Variants in PARD3 observed in about 807,000 individuals in gnomAD.
PARD3 encodes partitioning defective 3 homolog.
Under a neutral mutation model 155.4 loss-of-function variants are expected in PARD3, and 75 were observed. The observed-to-expected ratio is 0.48, with a 90% CI of 0.40 to 0.58. The LOEUF (loss-of-function observed/expected upper bound fraction) is 0.58, where lower values mean the gene tolerates loss of function less well. PARD3 is among the 20% of genes least tolerant of loss of function. The pLI, the probability that PARD3 is intolerant of heterozygous loss-of-function variation, is 0.00. For synonymous variants in PARD3, 576 were observed against 610.5 expected, an observed-to-expected ratio of 0.94 and a Z score of 0.83; for missense variants, 1,642 against 1,721.7, an observed-to-expected ratio of 0.95 and a Z score of 0.82.
At chr10:34,113,689 G>C (rs1479166038) in intron 24 of PARD3, among the ~76,000 whole-genome samples, 1 of 152,144 alleles carries the variant, frequency 6.6e-6, no homozygotes, top group Admixed American at 6.5e-5. Flanking sequence ...GCATCCAGCT[G>C]GGCAAGGTGG....
At chr10:34,208,384 C>A (rs1488204550) in intron 22 of PARD3, among the ~76,000 whole-genome samples, 1 of 152,148 alleles carries the variant, frequency 6.6e-6, no homozygotes, top group Non-Finnish European at 1.5e-5. Flanking sequence ...AACTAGTTAT[C>A]CAATTGTTCT....
chr10:34,261,843 A>AC lies in PARD3; in HGVS notation c.3419+7813_3419+7814insG, dbSNP rs1564528580. Among the ~76,000 whole-genome samples the AC allele has an allele frequency of 9.5e-5, 14 of 147,664 alleles. 1 individual carries two copies. The highest frequency in any genetic ancestry group is 3.6e-4 in the African/African-American group (14 of 38,626). On this transcript the variant is annotated intron_variant, in intron 22 of 24. Transcript: ENST00000374788. ...AAAGAAAGAAACAAACAAACAAACA[A>AC]ACACACACACACTGGACAGAATGCA...
intron 22 of PARD3, among the ~76,000 whole-genome samples, chr10:34,159,850 G>A (rs184291804): frequency 6.6e-5 from 10 of 152,306 alleles, no homozygotes; most frequent in Admixed American, 6.5e-4. Context: ...CAGCTACTAG[G>A]AAACAGTGCT....
At chr10:34,345,710 G>T (rs1255306987) in intron 15 of PARD3, 1 of 985,366 alleles carries the variant, frequency 1.0e-6, no homozygotes, top group Non-Finnish European at 1.2e-6. Flanking sequence ...GGTGTGATTT[G>T]TCAAGTTTCC....
At chr10:34,258,525 T>C (rs1274515122) in intron 22 of PARD3, among the ~76,000 whole-genome samples, 1 of 152,040 alleles carries the variant, frequency 6.6e-6, no homozygotes, top group Non-Finnish European at 1.5e-5. Flanking sequence ...TTTAGATCAG[T>C]TGGGATCAGG....
rs572905057 is a variant in PARD3, at chr10:34,345,441, A to C, written c.2218+2524T>G. The C allele has an allele frequency of 1.9e-5, 19 of 985,332 alleles. No homozygotes were observed. In the Admixed American group the frequency reaches 1.2e-3, roughly 61 times the overall value. The allele number at this position is 985,332 out of a possible 1,614,324, so 61.0% of individuals were successfully genotyped here. A position where few individuals can be genotyped will look rare whatever the true frequency, so the allele number is the denominator to read the frequency against. ...AGGTAATCAGCCAGAATTTCAATAC[A>C]AAGTTCCTTTTGTATCATAGCAGAT... On this transcript the variant is annotated intron_variant, in intron 15 of 24. Transcript: ENST00000374788.
chr10:34,707,646 C>T (rs1167665851), intron 1 of PARD3, among the ~76,000 whole-genome samples: 1 of 152,214 alleles, frequency 6.6e-6, no homozygotes, highest in Non-Finnish European at 1.5e-5. Flanking sequence ...TCTATCCAAA[C>T]TTCGGAAATC....
chr10:34,805,549 A>ATG (rs1843269902), intron 1 of PARD3, among the ~76,000 whole-genome samples: 1 of 146,632 alleles, frequency 6.8e-6, no homozygotes, highest in African/African-American at 2.5e-5. Flanking sequence ...GTGCATATAT[A>ATG]TATATATATA....
intron 20 of PARD3, 63 bp from the exon 21 acceptor site, chr10:34,284,308 G>T (rs1355718990): frequency 1.0e-6 from 1 of 954,294 alleles, no homozygotes; most frequent in African/African-American, 1.6e-5. Flanking sequence ...TTTGTTTGTG[G>T]TAATGACATA....
At chr10:34,429,249 T>C (rs1298305804) in intron 5 of PARD3, among the ~76,000 whole-genome samples, 1 of 152,110 alleles carries the variant, frequency 6.6e-6, no homozygotes, top group Non-Finnish European at 1.5e-5. Flanking sequence ...TGAAATGAAA[T>C]GATATTTCAT....
chr10:34,393,390 G>T (rs954955435), intron 7 of PARD3, among the ~76,000 whole-genome samples: 1 of 151,868 alleles, frequency 6.6e-6, no homozygotes, highest in Non-Finnish European at 1.5e-5. Context: ...GACGAGACTG[G>T]GCAACATTGG....
chr10:34,666,816 T>C (rs11009854), intron 2 of PARD3, among the ~76,000 whole-genome samples: 2,953 of 88,648 alleles, frequency 0.033, 130 homozygotes, highest in African/African-American at 0.079. Flanking sequence ...TATATATATA[T>C]ACACACACAC....
chr10:34,385,256 C>G (rs1191988679), intron 7 of PARD3, among the ~76,000 whole-genome samples: 1 of 152,164 alleles, frequency 6.6e-6, no homozygotes, highest in Non-Finnish European at 1.5e-5. Flanking sequence ...GCCTCAGCCT[C>G]CTGAGTAGCT....
At chr10:34,360,361 A>G (rs1839324859) in intron 12 of PARD3, 102 bp from the exon 13 acceptor site, 1 of 756,686 alleles carries the variant, frequency 1.3e-6, no homozygotes, top group Non-Finnish European at 2.2e-6. Flanking sequence ...CATAAGAGGC[A>G]AAATATTTCC....
At chr10:34,488,011 T>G (rs2079587910) in intron 3 of PARD3, among the ~76,000 whole-genome samples, 1 of 152,200 alleles carries the variant, frequency 6.6e-6, no homozygotes, top group Non-Finnish European at 1.5e-5. Context: ...ATTTCTTTAT[T>G]ATTATAACCT....
intron 2 of PARD3, among the ~76,000 whole-genome samples, chr10:34,556,582 C>A (rs1032064939): frequency 1.3e-5 from 2 of 151,940 alleles, no homozygotes; most frequent in African/African-American, 4.8e-5. Flanking sequence ...CGGGGTTTCA[C>A]CGTGTTAGCC....
chr10:34,677,937 TAAGAA>T (rs1344220142), intron 2 of PARD3, among the ~76,000 whole-genome samples: 2 of 152,176 alleles, frequency 1.3e-5, no homozygotes, highest in African/African-American at 4.8e-5. Context: ...ATATCAACAT[TAAGAA>T]AAGGAATCTT....
chr10:34,197,849 C>T (rs996140664), intron 22 of PARD3, among the ~76,000 whole-genome samples: 4 of 152,228 alleles, frequency 2.6e-5, no homozygotes, highest in Non-Finnish European at 5.9e-5. Flanking sequence ...CCTGCCCCAG[C>T]CTCCCGAGCA....
intron 3 of PARD3, among the ~76,000 whole-genome samples, chr10:34,472,597 G>T (rs1293089376): frequency 6.6e-6 from 1 of 152,128 alleles, no homozygotes; most frequent in African/African-American, 2.4e-5. Context: ...TAGTTATTCA[G>T]TTGTTAGGTA....
Sources: gnomAD v4.1 joint callset for allele counts (sites outside exome capture counted in the v4.1 genomes callset) on GRCh38, gnomAD v4.1.1 for gene constraint, MANE v1.5 for transcripts, NCBI Gene and HGNC (gene_info 2026-07-23, HGNC 2026-07-21) for gene names.